The following PYY variants were observed in gnomAD, a reference collection of about 807,000 sequenced individuals.
The protein encoded by PYY is peptide YY.
Under a neutral mutation model 10.3 loss-of-function variants are expected in PYY, and 12 were observed. The ratio of observed to expected loss-of-function variants is 1.17; its 90% CI spans 0.75 to 1.89. PYY has a LOEUF of 1.89. Among genes scored for constraint, PYY ranks in the 40% most tolerant of loss-of-function variants. The pLI, the probability that PYY is intolerant of heterozygous loss-of-function variation, is 0.00. For synonymous variants in PYY, 66 were observed against 62.0 expected (o/e 1.06, Z -0.30); for missense variants, 141 against 134.0 (o/e 1.05, Z -0.26).
rs2048645360 is a variant in PYY, at chr17:43,953,246, G to GGGGCCGCAGGGTGA, written c.188+36_188+49dup. 3 of 1,608,890 alleles carry GGGGCCGCAGGGTGA rather than the reference G, an allele frequency of 1.9e-6. No individual in the cohort carries two copies. In the African/African-American group the frequency reaches 4.0e-5, roughly 22 times the overall value. ...ATCTGGCCACGCCCCCAGGTGGAGC[G>GGGGCCGCAGGGTGA]GGGCCGCAGGGTGAGAGCCCCAGGG... On this transcript the variant is annotated intron_variant, in intron 2 of 3. Transcript: ENST00000692052.
In PYY at chr17:43,952,841, G is replaced by C. The variant is rs2048640219; in HGVS notation, c.*115C>G. On this transcript the variant is annotated 3_prime_UTR_variant, in exon 4 of 4. Transcript: ENST00000692052. ...GAGACGCGGGCGGAGGGCCGCACCCGAACCCTGCCCAGACGCCGCCGTCGG... is the reference window on the plus strand; with the variant it reads ...GAGACGCGGGCGGAGGGCCGCACCCCAACCCTGCCCAGACGCCGCCGTCGG... The C allele has an allele frequency of 3.2e-6, 4 of 1,252,458 alleles. No individual in the cohort carries two copies. The highest frequency in any genetic ancestry group is 2.2e-6 in the Non-Finnish European group (2 of 921,312). 77.6% of individuals were successfully genotyped at this position (1,252,458 alleles called of 1,614,324 possible).
chr17:43,990,817 CAG>C (rs1435961355), intron 1 of PYY, among the ~76,000 whole-genome samples: 1 of 128,052 alleles, frequency 7.8e-6, no homozygotes, highest in Non-Finnish European at 1.6e-5. Context: ...TTTTTTGAGA[CAG>C]AGTCTTGCTC....
chr17:43,986,749 G>C (rs1054883626), intron 1 of PYY, among the ~76,000 whole-genome samples: 1 of 152,168 alleles, frequency 6.6e-6, no homozygotes, highest in Non-Finnish European at 1.5e-5. Flanking sequence ...AGGAGCCACC[G>C]TCAGCGCAGC....
chr17:43,986,763 C>A (rs1417244183), intron 1 of PYY, among the ~76,000 whole-genome samples: 2 of 152,336 alleles, frequency 1.3e-5, no homozygotes, highest in South Asian at 2.1e-4. Flanking sequence ...GCGCAGCCTG[C>A]GTGTTCCTGC....
chr17:43,984,770 G>A (rs930932502), intron 1 of PYY, among the ~76,000 whole-genome samples: 1 of 152,206 alleles, frequency 6.6e-6, no homozygotes, highest in Non-Finnish European at 1.5e-5. Flanking sequence ...GCATCTGGGT[G>A]TCAGGCACCA....
upstream of PYY, among the ~76,000 whole-genome samples, chr17:43,955,967 C>T (rs2048669474): frequency 6.6e-6 from 1 of 152,006 alleles, no homozygotes; most frequent in African/African-American, 2.4e-5. Flanking sequence ...CCTGCGGCGG[C>T]ACTAACCATG....
upstream of PYY, among the ~76,000 whole-genome samples, chr17:43,955,878 G>A (rs369063348): frequency 2.6e-5 from 4 of 152,108 alleles, no homozygotes; most frequent in East Asian, 3.9e-4. Flanking sequence ...TGATCCCAGG[G>A]ATCAGGGCCT....
chr17:43,989,145 C>T (rs1276093070), intron 1 of PYY, among the ~76,000 whole-genome samples: 11 of 151,882 alleles, frequency 7.2e-5, no homozygotes, highest in South Asian at 4.2e-4. Context: ...GAGGCCAAGG[C>T]GGGCGGATCA....
intron 1 of PYY, among the ~76,000 whole-genome samples, chr17:43,969,221 AAATC>A (rs1479326144): frequency 2.6e-5 from 4 of 151,638 alleles, no homozygotes; most frequent in African/African-American, 9.7e-5. Context: ...CAATATTCAA[AAATC>A]AATCACTTGG....
chr17:43,989,809 TAAAAAAAAAA>T (rs1174890162), intron 1 of PYY, among the ~76,000 whole-genome samples: 196 of 10,492 alleles, frequency 0.019, 9 homozygotes, highest in Non-Finnish European at 0.02. Context: ...GCTGTCTCTT[TAAAAAAAAAA>T]AAAAAAAAAA....
intron 1 of PYY, among the ~76,000 whole-genome samples, chr17:43,973,003 G>A (rs1172441903): frequency 6.6e-6 from 1 of 151,724 alleles, no homozygotes; most frequent in Admixed American, 6.6e-5. Flanking sequence ...GTGAGCCACC[G>A]CACCCAGCCT....
chr17:43,988,146 G>T (rs911566227), intron 1 of PYY, among the ~76,000 whole-genome samples: 1 of 152,320 alleles, frequency 6.6e-6, no homozygotes, highest in South Asian at 2.1e-4. Context: ...GCAGCAGAAT[G>T]AAGACATTTC....
At chr17:43,989,253 A>G (rs1289243002) in intron 1 of PYY, among the ~76,000 whole-genome samples, 2 of 152,010 alleles carry the variant, frequency 1.3e-5, no homozygotes, top group Non-Finnish European at 2.9e-5. Context: ...GGGCGCCTGT[A>G]GTCCCAGCTA....
intron 3 of PYY, 39 bp downstream of exon 3, chr17:43,953,070 G>A (rs2048642601): frequency 1.9e-6 from 3 of 1,609,348 alleles, no homozygotes; most frequent in Middle Eastern, 1.7e-4. Flanking sequence ...GCCAGGCCGC[G>A]CTCTCGGATG....
intron 1 of PYY, among the ~76,000 whole-genome samples, chr17:43,971,802 AG>A (rs1255117781): frequency 5.9e-5 from 9 of 151,868 alleles, no homozygotes; most frequent in Admixed American, 4.6e-4. Context: ...TTCAGTCCGT[AG>A]CTGGTTTTTT....
rs565366219 is a variant in PYY, at chr17:43,987,858, G to C, written c.-463+16533C>G. ...AATTAGCAATAGGGAGGGAGGAAGG[G>C]GGCAAGGATGGAGAACGAGTGCTTC... On this transcript the variant is annotated intron_variant, in intron 1 of 6. Transcript: ENST00000360085. This position sits in a 1 kb window ranked among gnomAD's most constrained non-coding sequence, Gnocchi z 4.0. 4.8e-4 allele frequency among the ~76,000 whole-genome samples: 73 copies of C among 152,338 alleles called. No individual in the cohort carries two copies. The highest frequency in any genetic ancestry group is 1.6e-3 in the African/African-American group (68 of 41,578).
chr17:43,963,585 A>AGAAAGAAAAGAAAAGAAG (rs2048729956), intron 2 of PYY, among the ~76,000 whole-genome samples: 1 of 80,726 alleles, frequency 1.2e-5, no homozygotes, highest in African/African-American at 4.3e-5. Context: ...AAAGAAAGAA[A>AGAAAGAAAAGAAAAGAAG]GAAAGAAAGA....
chr17:44,002,876 C>A (rs972043419), intron 1 of PYY, among the ~76,000 whole-genome samples: 1 of 152,328 alleles, frequency 6.6e-6, no homozygotes, highest in Non-Finnish European at 1.5e-5. Context: ...TATTCCTCTA[C>A]CACACAGAAG....
chr17:43,982,957 C>T (rs947238945), intron 1 of PYY, among the ~76,000 whole-genome samples: 1 of 152,038 alleles, frequency 6.6e-6, no homozygotes, highest in South Asian at 2.1e-4. Context: ...GGAGGCCGGG[C>T]GTGGTGGTTC....
Sources: gnomAD v4.1 joint callset for allele counts (sites outside exome capture counted in the v4.1 genomes callset) on GRCh38, gnomAD v4.1.1 for gene constraint, Gnocchi (gnomAD v3.1) non-coding constraint, MANE v1.5 for transcripts, NCBI Gene and HGNC (gene_info 2026-07-23, HGNC 2026-07-21) for gene names.